Variants in RASGRP3 observed in about 807,000 individuals in gnomAD.
RASGRP3 encodes the protein RAS guanyl releasing protein 3, also known as ras guanyl-releasing protein 3.
In RASGRP3, 54 loss-of-function variants were observed where a neutral mutation model predicts 82.7. That is an observed-to-expected ratio of 0.65 (90% confidence interval 0.52 to 0.82). RASGRP3 has a LOEUF of 0.82. Among genes scored for constraint, RASGRP3 ranks in the 40% least tolerant of loss-of-function variants. RASGRP3 has a pLI of 0.00. For synonymous variants in RASGRP3, 309 were observed against 300.5 expected, an observed-to-expected ratio of 1.03 and a Z score of -0.29; for missense variants, 861 against 828.9, an observed-to-expected ratio of 1.04 and a Z score of -0.48.
intron 1 of RASGRP3, among the ~76,000 whole-genome samples, chr2:33,502,993 A>T (rs1670018285): frequency 6.6e-6 from 1 of 152,160 alleles, no homozygotes; most frequent in African/African-American, 2.4e-5. Context: ...CAGTCTATCA[A>T]CCTCTAAAAT....
At chr2:33,484,835 A>G (rs1280341806) in intron 1 of RASGRP3, among the ~76,000 whole-genome samples, 1 of 152,196 alleles carries the variant, frequency 6.6e-6, no homozygotes, top group African/African-American at 2.4e-5. Context: ...GTCTAGTCCT[A>G]GTCTGCCTGG....
rs142000180 is a variant in RASGRP3 at position 33,527,173 on chromosome 2, G to A, written c.844G>A (p.Gly282Ser). 10,851 of 1,613,976 alleles carry A rather than the reference G, an allele frequency of 6.7e-3. 119 individuals carry two copies. The highest frequency in any genetic ancestry group is 0.034 in the South Asian group (3,095 of 91,066). The change falls in exon 10 of 18, where the codon GGC (glycine) becomes AGC (serine). Residue 282 changes from glycine to serine, a missense_variant. By Grantham distance (56) the Gly-to-Ser change is moderately conservative. Coordinates refer to ENST00000403687, the MANE Select transcript of RASGRP3 (RefSeq NM_001139488.2). ...AATGACAGAGTTGGTCTCCTCCAAC[G>A]GCAATTACTGCAATTACCGCAAGGC... ...NEMTELVSSN[G>S]NYCNYRKAFA...
At chr2:33,527,969 C>A (rs910000074) in intron 10 of RASGRP3, among the ~76,000 whole-genome samples, 1 of 152,178 alleles carries the variant, frequency 6.6e-6, no homozygotes, top group East Asian at 1.9e-4. Flanking sequence ...AAATATTGAA[C>A]TTCTTATACT....
chr2:33,464,749 G>A (rs925711415), intron 2 of RASGRP3, among the ~76,000 whole-genome samples: 1 of 152,136 alleles, frequency 6.6e-6, no homozygotes, highest in African/African-American at 2.4e-5. Flanking sequence ...AGTATTAAAT[G>A]TGTGAGCCAC....
rs753505390 is a variant in RASGRP3 at position 33,524,068 on chromosome 2, A to T, written c.690+16A>T. 4 of 1,611,274 alleles carry T rather than the reference A, an allele frequency of 2.5e-6. No homozygotes were observed. The highest frequency in any genetic ancestry group is 2.2e-5 in the South Asian group (2 of 90,772). ...TGTTGCAAAGGTATGTCTGGTAATC[A>T]GACTGGGTTCTTGAGTTCTAGATGT... On this transcript the variant is annotated intron_variant, in intron 8 of 17. Coordinates refer to ENST00000403687, the MANE Select transcript of RASGRP3 (RefSeq NM_001139488.2).
chr2:33,527,209 T>A lies in RASGRP3; in HGVS notation c.880T>A (p.Cys294Ser), dbSNP rs1343692726. 2.5e-6 allele frequency: 4 copies of A among 1,614,044 alleles called. No homozygotes were observed. Among genetic ancestry groups the A allele is most frequent in the Non-Finnish European group, 3.4e-6 (4 of 1,179,878 alleles). ...CAATTACCGCAAGGCCTTTGCCGACTGCGATGGCTTCAAAATCCCCATCCT... is the reference window on the plus strand; with the variant it reads ...CAATTACCGCAAGGCCTTTGCCGACAGCGATGGCTTCAAAATCCCCATCCT... ...YCNYRKAFAD[C>S]DGFKIPILGV... The change falls in exon 10 of 18, where the codon TGC becomes AGC. Residue 294 changes from cysteine to serine, a missense_variant. By Grantham distance (112) the Cys-to-Ser change is moderately radical. Transcript: ENST00000403687.
intron 12 of RASGRP3, chr2:33,539,488 C>T (rs533313618): frequency 7.6e-5 from 22 of 287,752 alleles, no homozygotes; most frequent in African/African-American, 4.3e-4. Context: ...TTGTCAACAG[C>T]TCAAGGGATT....
intron 1 of RASGRP3, among the ~76,000 whole-genome samples, chr2:33,503,563 T>C (rs1166212798): frequency 6.6e-6 from 1 of 151,738 alleles, no homozygotes; most frequent in Non-Finnish European, 1.5e-5. Flanking sequence ...GTAACTTTAT[T>C]TGAGAGCACA....
intron 8 of RASGRP3, among the ~76,000 whole-genome samples, 189 bp downstream of exon 8, chr2:33,524,241 G>A (rs1364574521): frequency 6.6e-6 from 1 of 152,176 alleles, no homozygotes; most frequent in East Asian, 1.9e-4. Flanking sequence ...ATGCTTAGAA[G>A]CATTTAATGT....
intron 1 of RASGRP3, among the ~76,000 whole-genome samples, chr2:33,499,154 G>A (rs543665460): frequency 6.6e-6 from 1 of 151,992 alleles, no homozygotes; most frequent in Non-Finnish European, 1.5e-5. Context: ...CCTCTCCTAA[G>A]ATTCACCCCA....
At chr2:33,548,386 AGGT>A (rs1675033378) in intron 13 of RASGRP3, among the ~76,000 whole-genome samples, 1 of 140,642 alleles carries the variant, frequency 7.1e-6, no homozygotes, top group Non-Finnish European at 1.6e-5. Context: ...AAAAAAAAGA[AGGT>A]AGAAAGAAAA....
Position 33,539,153 on chromosome 2 carries a change from G to A in RASGRP3, c.1221G>A (p.Gly407=), listed in dbSNP as rs762776322. Residue 407 remains glycine (G), a synonymous_variant, in exon 12 of 18, where the codon GGG becomes GGA. Transcript: ENST00000403687. ...TGGTACCCCTGGAGTGGGCATTAGG[G>A]GTGATGCCAAAGCCAGACCCCACGG... ...KPVVPLEWAL[G]VMPKPDPTVI... is the part of the protein sequence containing the mutation. 37 of 1,611,974 alleles carry A rather than the reference G, an allele frequency of 2.3e-5. No homozygotes were observed. In the East Asian group the frequency reaches 6.2e-4, roughly 27 times the overall value.
At chr2:33,499,812 C>T (rs1031044262) in intron 1 of RASGRP3, among the ~76,000 whole-genome samples, 6 of 149,392 alleles carry the variant, frequency 4.0e-5, no homozygotes, top group African/African-American at 1.2e-4. Flanking sequence ...AAAGAAGAAA[C>T]CAATTTGAAG....
chr2:33,557,242 T>G (rs996912628), intron 15 of RASGRP3, among the ~76,000 whole-genome samples: 5 of 152,200 alleles, frequency 3.3e-5, no homozygotes, highest in African/African-American at 1.2e-4. Flanking sequence ...AACATTCTAC[T>G]GTCTTATCTA....
chr2:33,547,412 C>T (rs1161560091), intron 13 of RASGRP3, among the ~76,000 whole-genome samples: 2 of 106,646 alleles, frequency 1.9e-5, no homozygotes, highest in East Asian at 3.3e-4. Flanking sequence ...TTATAAAGTA[C>T]AAAAATCAAA....
intron 2 of RASGRP3, among the ~76,000 whole-genome samples, chr2:33,463,248 A>C (rs1458756374): frequency 6.6e-6 from 1 of 152,230 alleles, no homozygotes; most frequent in Non-Finnish European, 1.5e-5. Flanking sequence ...TTCAGCTAGA[A>C]ATCTAGGCTA....
chr2:33,457,880 G>A (rs1304496896), intron 2 of RASGRP3, among the ~76,000 whole-genome samples: 1 of 152,172 alleles, frequency 6.6e-6, no homozygotes, highest in Non-Finnish European at 1.5e-5. Flanking sequence ...AAATTGTCAG[G>A]AGGATTACTG....
chr2:33,463,214 T>C (rs994103248), intron 2 of RASGRP3, among the ~76,000 whole-genome samples: 3 of 152,214 alleles, frequency 2.0e-5, no homozygotes, highest in Non-Finnish European at 4.4e-5. Flanking sequence ...TAAATTTTCC[T>C]TCTCAGGTTT....
chr2:33,524,648 T>G (rs1436059725), intron 9 of RASGRP3, 100 bp downstream of exon 9: 2 of 916,570 alleles, frequency 2.2e-6, no homozygotes, highest in Non-Finnish European at 3.3e-6. Flanking sequence ...TGGGAAAGTT[T>G]TCCTCTTAAA....
Sources: allele counts gnomAD v4.1 joint callset (sites outside exome capture counted in the v4.1 genomes callset), GRCh38; gene constraint gnomAD v4.1.1; transcripts MANE v1.5; gene names NCBI Gene and HGNC (gene_info 2026-07-23, HGNC 2026-07-21).